Variants in CADM2 observed in about 807,000 individuals in gnomAD.
The protein encoded by CADM2 is cell adhesion molecule 2, also known as immunoglobulin superfamily member 4D.
Under a neutral mutation model 49.8 loss-of-function variants are expected in CADM2, and 12 were observed. The observed-to-expected ratio is 0.24, with a 90% confidence interval of 0.15 to 0.39. The LOEUF (loss-of-function observed/expected upper bound fraction) is 0.39. Ranked by LOEUF, CADM2 falls within the 10% of genes least tolerant of loss-of-function variation. CADM2 has a pLI of 1.00. For missense variants in CADM2, 378 were observed against 492.3 expected (o/e 0.77, Z 2.20); for synonymous variants, 214 against 175.4 (o/e 1.22, Z -1.74).
At chr3:85,274,276 A>G (rs111242475) in intron 1 of CADM2, among the ~76,000 whole-genome samples, 1 of 151,560 alleles carries the variant, frequency 6.6e-6, no homozygotes, top group African/African-American at 2.4e-5. Flanking sequence ...AGACGCATAT[A>G]AGAAACGACA....
intron 1 of CADM2, among the ~76,000 whole-genome samples, chr3:85,440,431 G>C (rs568479260): frequency 1.4e-3 from 213 of 152,104 alleles, no homozygotes; most frequent in African/African-American, 5.0e-3. Flanking sequence ...AAATTTTATT[G>C]ATCTACTTTA....
chr3:85,942,064 T>C (rs555883957), intron 7 of CADM2, among the ~76,000 whole-genome samples: 1 of 152,168 alleles, frequency 6.6e-6, no homozygotes, highest in African/African-American at 2.4e-5. Context: ...TACAAACAAG[T>C]TTCCCTTTTG....
chr3:85,363,433 G>T (rs1576421068), intron 1 of CADM2, among the ~76,000 whole-genome samples: 1 of 151,974 alleles, frequency 6.6e-6, no homozygotes, highest in Non-Finnish European at 1.5e-5. Flanking sequence ...GTTGAGCTGA[G>T]CTAAAATTAA....
intron 1 of CADM2, among the ~76,000 whole-genome samples, chr3:84,990,901 A>T (rs111378930): frequency 4.5e-4 from 69 of 152,280 alleles, no homozygotes; most frequent in African/African-American, 1.6e-3. Flanking sequence ...TAGGTATTTC[A>T]CAATTTTTTT....
At chr3:85,586,561 A>G (rs1384301370) in intron 1 of CADM2, among the ~76,000 whole-genome samples, 1 of 152,128 alleles carries the variant, frequency 6.6e-6, no homozygotes, top group East Asian at 1.9e-4. Context: ...AAATATTTCC[A>G]TTTTGCAGTA....
intron 6 of CADM2, among the ~76,000 whole-genome samples, chr3:85,921,120 G>T (rs1191914304): frequency 6.6e-6 from 1 of 151,842 alleles, no homozygotes; most frequent in African/African-American, 2.4e-5. Context: ...ATAAATGACC[G>T]TGACAAGTAA....
chr3:85,674,770 C>A (rs2065845378), intron 1 of CADM2, among the ~76,000 whole-genome samples: 1 of 152,086 alleles, frequency 6.6e-6, no homozygotes, highest in Non-Finnish European at 1.5e-5. Context: ...ATCATAAAAT[C>A]TTTCTTACCA....
rs1201666035 is a variant in CADM2, at chr3:86,067,907, TA to T, written c.*1126del. The T allele has an allele frequency of 6.6e-6, 1 of 152,480 alleles. No individual in the cohort carries two copies. Among genetic ancestry groups the T allele is most frequent in the Non-Finnish European group, 1.5e-5 (1 of 67,908 alleles). 9.4% of individuals were successfully genotyped at this position (152,480 alleles called of 1,614,324 possible). ...GTTATACAATGGAAGCACAATGTTA[TA>T]AGGAAAGGTAATTTTAAGCTAACAA... On this transcript the variant is annotated 3_prime_UTR_variant, in exon 10 of 10. Coordinates refer to ENST00000383699, the MANE Select transcript of CADM2 (RefSeq NM_001167675.2).
At chr3:85,706,598 G>T (rs2066958769) in intron 1 of CADM2, among the ~76,000 whole-genome samples, 1 of 152,054 alleles carries the variant, frequency 6.6e-6, no homozygotes, top group Non-Finnish European at 1.5e-5. Flanking sequence ...ATATTGACTT[G>T]TTTATGATGA....
At chr3:85,487,701 A>G (rs2039484322) in intron 1 of CADM2, among the ~76,000 whole-genome samples, 1 of 151,878 alleles carries the variant, frequency 6.6e-6, no homozygotes, top group African/African-American at 2.4e-5. Context: ...TTTTCAAAGG[A>G]ATATTTGTCA....
At chr3:85,186,798 ATG>A (rs1247747160) in intron 1 of CADM2, among the ~76,000 whole-genome samples, 1 of 152,146 alleles carries the variant, frequency 6.6e-6, no homozygotes, top group African/African-American at 2.4e-5. Context: ...AATAAATTAC[ATG>A]TATATACTTC....
Position 86,041,439 on chromosome 3 carries a change from C to G in CADM2, c.971-24166C>G, listed in dbSNP as rs986115437. ...AAGGCAGGGGTTGCAATCCTAGTCT[C>G]TGATAAAACAGACTTTAAACCGACA... On this transcript the variant is annotated intron_variant, in intron 8 of 9. Coordinates refer to ENST00000383699, the MANE Select transcript of CADM2 (RefSeq NM_001167675.2). Among the ~76,000 whole-genome samples, 5 of 152,086 alleles carry G rather than the reference C, an allele frequency of 3.3e-5. No homozygotes were observed. In the East Asian group the frequency reaches 9.6e-4, roughly 29 times the overall value.
At chr3:85,388,347 T>G (rs567154179) in intron 1 of CADM2, among the ~76,000 whole-genome samples, 1 of 152,306 alleles carries the variant, frequency 6.6e-6, no homozygotes, top group East Asian at 1.9e-4. Context: ...TGGCCTGGGA[T>G]TCGTCACAAT....
chr3:85,072,503 C>T (rs2036789168), intron 1 of CADM2, among the ~76,000 whole-genome samples: 1 of 152,010 alleles, frequency 6.6e-6, no homozygotes, highest in Non-Finnish European at 1.5e-5. Context: ...CTTGATAGAA[C>T]TTAGAGGAGG....
chr3:85,108,519 A>G (rs2038332997), intron 1 of CADM2, among the ~76,000 whole-genome samples: 1 of 152,160 alleles, frequency 6.6e-6, no homozygotes, highest in Non-Finnish European at 1.5e-5. Context: ...GTTGAATAGT[A>G]CATACCAGAG....
chr3:85,971,376 GT>G (rs1490675222), intron 8 of CADM2, among the ~76,000 whole-genome samples: 1 of 151,656 alleles, frequency 6.6e-6, no homozygotes, highest in African/African-American at 2.4e-5. Context: ...AAAGTCTTCA[GT>G]TTTTAGATGA....
At chr3:84,978,038 CAT>C (rs1238061704) in intron 1 of CADM2, among the ~76,000 whole-genome samples, 1 of 152,050 alleles carries the variant, frequency 6.6e-6, no homozygotes, top group East Asian at 1.9e-4. Context: ...ATACAAAATA[CAT>C]AGAGTAAATT....
intron 1 of CADM2, among the ~76,000 whole-genome samples, chr3:85,708,847 G>GT (rs1333329820): frequency 6.6e-6 from 1 of 151,928 alleles, no homozygotes; most frequent in Non-Finnish European, 1.5e-5. Flanking sequence ...AAGGTTGCAC[G>GT]TGGAAGAATA....
intron 1 of CADM2, among the ~76,000 whole-genome samples, chr3:85,488,712 A>G (rs1330452693): frequency 6.6e-6 from 1 of 151,986 alleles, no homozygotes; most frequent in Non-Finnish European, 1.5e-5. Context: ...TTGTATTTTT[A>G]GTAGATACGG....
Sources: allele counts gnomAD v4.1 joint callset (sites outside exome capture counted in the v4.1 genomes callset), GRCh38; gene constraint gnomAD v4.1.1; transcripts MANE v1.5; gene names NCBI Gene and HGNC (gene_info 2026-07-23, HGNC 2026-07-21).